The following SART1 variants were observed in gnomAD, a reference collection of about 807,000 sequenced individuals.
The protein encoded by SART1 is spliceosome associated factor 1, recruiter of U4/U6.U5 tri-snRNP.
Under a neutral mutation model 105.0 loss-of-function variants are expected in SART1, and 28 were observed. The observed-to-expected ratio is 0.27, with a 90% CI of 0.20 to 0.37. The LOEUF is 0.37. Among genes scored for constraint, SART1 ranks in the 10% least tolerant of loss-of-function variants. The pLI, the probability that SART1 is intolerant of heterozygous loss-of-function variation, is 1.00. For missense variants in SART1, 894 were observed against 1,106.5 expected (o/e 0.81, Z 2.72); for synonymous variants, 472 against 462.9 (o/e 1.02, Z -0.25).
Position 65,976,970 on chromosome 11 carries a change from G to C in SART1, c.1858-44G>C, listed in dbSNP as rs1333489505. The C allele has an allele frequency of 1.3e-6, 2 of 1,500,996 alleles. No homozygotes were observed. The highest frequency in any genetic ancestry group is 2.3e-5 in the South Asian group (2 of 88,646). 93.0% of individuals were successfully genotyped at this position (1,500,996 alleles called of 1,614,324 possible). A position where few individuals can be genotyped will look rare whatever the true frequency, so the allele number is the denominator to read the frequency against. On this transcript the variant is annotated intron_variant, in intron 14 of 19. Coordinates refer to ENST00000312397, the MANE Select transcript of SART1 (RefSeq NM_005146.5). This position sits in a 1 kb window ranked among gnomAD's most constrained non-coding sequence, Gnocchi z 5.1. ...GGTGACCAGTGGGTGGGGCTGAGAA[G>C]AGCCGGTATGGCCTGCTAACCACCC...
In SART1 at chr11:65,967,596, C is replaced by T. The variant is rs759256594; in HGVS notation, c.1429+10C>T. On this transcript the variant is annotated intron_variant, in intron 11 of 19. Transcript: ENST00000312397. ...GACATCAGTGATGAGGGTGAGGGCC[C>T]GGCCAGGGGGTGGGAGGGGCAGGGA... The T allele has an allele frequency of 1.3e-5, 21 of 1,610,430 alleles. No homozygotes were observed. The highest frequency in any genetic ancestry group is 2.7e-5 in the African/African-American group (2 of 74,852).
At position 65,961,789 on chromosome 11, in the gene SART1, G is replaced by T; in HGVS notation, c.9G>T (p.Ser3=). MG[S]SKKHRGEKEA... is the part of the protein sequence containing the mutation. ...GGAGTGGACGTGCCACTATGGGGTC[G>T]TCCAAGAAGCATCGCGGAGAGAAGG... The change falls in exon 1 of 20, where the codon TCG becomes TCT. Residue 3 remains serine (S), a synonymous_variant. Transcript: ENST00000312397. 6.5e-7 allele frequency: 1 copy of T among 1,539,856 alleles called. No individual in the cohort carries two copies. The highest frequency in any genetic ancestry group is 1.2e-5 in the South Asian group (1 of 82,376).
chr11:65,964,338 G>T, intron 2 of SART1, 177 bp from the exon 3 acceptor site: 1 of 855,596 alleles, frequency 1.2e-6, no homozygotes, highest in Middle Eastern at 2.2e-4. Flanking sequence ...GACCAGGCTG[G>T]TGCCCATGTT....
intron 1 of SART1, among the ~76,000 whole-genome samples, chr11:65,962,541 A>C (rs1855169122): frequency 6.6e-6 from 1 of 151,462 alleles, no homozygotes; most frequent in Non-Finnish European, 1.5e-5. Context: ...CATGGTAGAG[A>C]AATGAGGGAG....
At position 65,976,745 on chromosome 11, in the gene SART1, C is replaced by A; in HGVS notation, c.1836C>A (p.Asp612Glu). ...ENIGWSTVNL[D>E]EEKQQQDFSA... is the part of the protein sequence containing the mutation. The stretch of plus-strand genomic sequence containing the variant: ...TCGGCTGGAGCACGGTGAACCTGGA[C>A]GAGGAGAAGCAGCAGCAGGATGTGA... The change falls in exon 14 of 20, where the codon GAC becomes GAA. Residue 612 changes from aspartate to glutamate, a missense_variant. This residue lies in a region of SART1 where 182 missense variants were observed against 328.3 expected (regional missense o/e 0.55). Transcript: ENST00000312397. This position sits in a 1 kb window ranked among gnomAD's most constrained non-coding sequence, Gnocchi z 5.1. The A allele has an allele frequency of 2.5e-6, 4 of 1,611,338 alleles. No homozygotes were observed.
rs1000818564 is a variant in SART1 at position 65,964,150 on chromosome 11, G to T, written c.371+19G>T. On this transcript the variant is annotated intron_variant, in intron 2 of 19. Coordinates refer to ENST00000312397, the MANE Select transcript of SART1 (RefSeq NM_005146.5). ...AGACTAAGTGAGTACTGTCTCCCTT[G>T]TTTCTACTTTGTTTTTCTAAGAGAG... 2 of 1,610,210 alleles carry T rather than the reference G, an allele frequency of 1.2e-6. No individual in the cohort carries two copies. The highest frequency in any genetic ancestry group is 1.3e-5 in the African/African-American group (1 of 74,894).
In SART1 at chr11:65,970,346, T is replaced by A. The variant is rs185411829; in HGVS notation, c.1572+2525T>A. Among the ~76,000 whole-genome samples the A allele has an allele frequency of 6.6e-5, 10 of 152,298 alleles. No individual in the cohort carries two copies. The East Asian group carries it at 1.9e-3, about 29-fold the overall frequency. On this transcript the variant is annotated intron_variant, in intron 12 of 19. Coordinates refer to ENST00000312397, the MANE Select transcript of SART1 (RefSeq NM_005146.5). ...GTTATCCCCCAAAATGTCTTTTTAG[T>A]TTTTTGTTGTAAGCAGCATCCAATC...
chr11:65,962,034 A>C lies in SART1; in HGVS notation c.254A>C (p.Gln85Pro), dbSNP rs922349296. 91 of 1,503,030 alleles carry C rather than the reference A, an allele frequency of 6.1e-5. No homozygotes were observed. The Middle Eastern group carries it at 7.0e-4, about 12-fold the overall frequency. The allele number at this position is 1,503,030 out of a possible 1,614,324, so 93.1% of individuals were successfully genotyped here. The change falls in exon 1 of 20, where the codon CAG becomes CCG. Residue 85 changes from glutamine to proline, a missense_variant. Around this residue, in one of 2 missense-constraint regions of SART1, gnomAD observed 712 missense variants for 778.2 expected, o/e 0.91. Transcript: ENST00000312397. ...RSSTHGRERSQAEPSERRVKR... is the reference protein window; with the variant it reads ...RSSTHGRERSPAEPSERRVKR... Reference sequence around the variant, plus strand: ...AGCACGCACGGGCGGGAGCGCAGCCAGGCAGAGCCCTCCGAGCGGCGCGTG... The same window carrying C: ...AGCACGCACGGGCGGGAGCGCAGCCCGGCAGAGCCCTCCGAGCGGCGCGTG...
In SART1 at chr11:65,967,194, C is replaced by G; in HGVS notation, c.1189-65C>G. ...GGAACACCAAAGAAGTGTTCACCCT[C>G]GAGGGCTTGTGGCGACCTGCCTTTC... On this transcript the variant is annotated intron_variant, in intron 9 of 19. Transcript: ENST00000312397. The G allele has an allele frequency of 2.5e-6, 4 of 1,586,168 alleles. No homozygotes were observed. The South Asian group carries it at 4.7e-5, about 19-fold the overall frequency.
intron 12 of SART1, among the ~76,000 whole-genome samples, chr11:65,969,732 G>A (rs973693943): frequency 2.0e-5 from 3 of 151,962 alleles, no homozygotes; most frequent in Non-Finnish European, 4.4e-5. Context: ...GAAAGTTTTT[G>A]TTGTTGTTTG....
Position 65,966,301 on chromosome 11 carries a change from G to A in SART1, c.982-49G>A, listed in dbSNP as rs756563602. The A allele has an allele frequency of 2.2e-5, 36 of 1,613,650 alleles. No individual in the cohort carries two copies. The Middle Eastern group carries it at 6.6e-4, about 30-fold the overall frequency. On this transcript the variant is annotated intron_variant, in intron 8 of 19. Coordinates refer to ENST00000312397, the MANE Select transcript of SART1 (RefSeq NM_005146.5). The stretch of plus-strand genomic sequence containing the variant: ...GCTCTGAGGAGGTGGTGGCTCAGTG[G>A]CTTTTCAGGAGCCAGCCTGGGTCCC...
At chr11:65,969,190 A>G (rs957523248) in intron 12 of SART1, among the ~76,000 whole-genome samples, 3 of 152,180 alleles carry the variant, frequency 2.0e-5, no homozygotes, top group Admixed American at 2.0e-4. Flanking sequence ...TTAAGGGCAT[A>G]TGGTCTCTGT....
intron 17 of SART1, 29 bp downstream of exon 17, chr11:65,977,928 C>T (rs555652627): frequency 1.3e-6 from 2 of 1,580,192 alleles, no homozygotes; most frequent in East Asian, 2.3e-5. Context: ...AGGCGGAGGC[C>T]CGGCCTGCCA....
In SART1 at chr11:65,965,231, G is replaced by A; in HGVS notation, c.554+13G>A. 1 of 1,608,968 alleles carries A rather than the reference G, an allele frequency of 6.2e-7. No homozygotes were observed. Among genetic ancestry groups the A allele is most frequent in the Non-Finnish European group, 8.5e-7 (1 of 1,178,524 alleles). On this transcript the variant is annotated intron_variant, in intron 4 of 19. Coordinates refer to ENST00000312397, the MANE Select transcript of SART1 (RefSeq NM_005146.5). Reference sequence around the variant, plus strand: ...ACCAAAAGCTGGGGTGAGGGGTCCTGGCCAGGGCAGGCAAGGGAAGGGCTG... The same window carrying A: ...ACCAAAAGCTGGGGTGAGGGGTCCTAGCCAGGGCAGGCAAGGGAAGGGCTG...
In SART1 at chr11:65,965,536, C is replaced by T. The variant is rs1855232502; in HGVS notation, c.660+89C>T. ...GGGGGCCAACCCCAGAGAGGTGAGA[C>T]GGGGCTTGGAGAAGGGAAGGGCCGT... On this transcript the variant is annotated intron_variant, in intron 5 of 19. Coordinates refer to ENST00000312397, the MANE Select transcript of SART1 (RefSeq NM_005146.5). 63 of 1,411,030 alleles carry T rather than the reference C, an allele frequency of 4.5e-5. No individual in the cohort carries two copies. The South Asian group carries it at 6.8e-4, about 15-fold the overall frequency. 87.4% of individuals were successfully genotyped at this position (1,411,030 alleles called of 1,614,324 possible). A position where few individuals can be genotyped will look rare whatever the true frequency, so the allele number is the denominator to read the frequency against.
At position 65,965,697 on chromosome 11, in the gene SART1, C is replaced by A; in HGVS notation, c.661-5C>A. The A allele has an allele frequency of 6.2e-7, 1 of 1,613,184 alleles. No homozygotes were observed. The highest frequency in any genetic ancestry group is 1.1e-5 in the South Asian group (1 of 90,902). On this transcript the variant is annotated splice_polypyrimidine_tract_variant and splice_region_variant and intron_variant, in intron 5 of 19. Coordinates refer to ENST00000312397, the MANE Select transcript of SART1 (RefSeq NM_005146.5). ...AGTCCTAGGTCACCCCTCCCTGTCC[C>A]GTAGGCCAAGTTACTGGAGGAGATG... is the stretch of plus-strand genomic sequence containing the variant.
chr11:65,964,772 G>A (rs534960447), intron 3 of SART1, among the ~76,000 whole-genome samples: 4 of 152,350 alleles, frequency 2.6e-5, no homozygotes, highest in Admixed American at 6.5e-5. Context: ...TGTGGCCGTC[G>A]CATACTCACT....
At chr11:65,964,698 C>T in intron 3 of SART1, 128 bp downstream of exon 3, 1 of 911,618 alleles carries the variant, frequency 1.1e-6, no homozygotes, top group Non-Finnish European at 1.6e-6. Context: ...TGCCGGAAGG[C>T]ATGAGGTCCC....
At position 65,979,135 on chromosome 11, in the gene SART1, G is replaced by C; in HGVS notation, c.*105G>C. 1 of 1,448,118 alleles carries C rather than the reference G, an allele frequency of 6.9e-7. No homozygotes were observed. The highest frequency in any genetic ancestry group is 9.5e-7 in the Non-Finnish European group (1 of 1,047,610). 89.7% of individuals were successfully genotyped at this position (1,448,118 alleles called of 1,614,324 possible). On this transcript the variant is annotated 3_prime_UTR_variant, in exon 20 of 20. Coordinates refer to ENST00000312397, the MANE Select transcript of SART1 (RefSeq NM_005146.5). Reference sequence around the variant, plus strand: ...GTACAGATTCCAGGGTTGGATCTTTGGTTGGGTGTGGCACAGAGTCTGGCT... The same window carrying C: ...GTACAGATTCCAGGGTTGGATCTTTCGTTGGGTGTGGCACAGAGTCTGGCT...
Sources: gnomAD v4.1 joint callset for allele counts (sites outside exome capture counted in the v4.1 genomes callset) on GRCh38, gnomAD v4.1.1 for gene constraint, gnomAD v4.1.1 regional missense constraint, Gnocchi (gnomAD v3.1) non-coding constraint, MANE v1.5 for transcripts, NCBI Gene and HGNC (gene_info 2026-07-23, HGNC 2026-07-21) for gene names.